The following ERBB4 variants were observed in gnomAD, a reference collection of about 807,000 sequenced individuals.
ERBB4 encodes erb-b2 receptor tyrosine kinase 4, also known as receptor tyrosine-protein kinase erbB-4.
A neutral mutation model predicts 158.0 loss-of-function variants in ERBB4; 42 were observed. The observed-to-expected ratio is 0.27, with a 90% confidence interval of 0.21 to 0.34. The LOEUF is 0.34. Among genes scored for constraint, ERBB4 ranks in the 10% least tolerant of loss-of-function variants. The pLI, the probability that ERBB4 is intolerant of heterozygous loss-of-function variation, is 1.00. For synonymous variants in ERBB4, 583 were observed against 558.7 expected, an observed-to-expected ratio of 1.04 and a Z score of -0.61; for missense variants, 1,333 against 1,624.1, an observed-to-expected ratio of 0.82 and a Z score of 3.08.
At chr2:211,734,144 G>C (rs2074524300) in intron 5 of ERBB4, among the ~76,000 whole-genome samples, 1 of 151,820 alleles carries the variant, frequency 6.6e-6, no homozygotes, top group Admixed American at 6.6e-5. Flanking sequence ...CATCATATTA[G>C]GTAAACAATG....
At chr2:211,990,412 A>G (rs2082041946) in intron 2 of ERBB4, among the ~76,000 whole-genome samples, 1 of 151,982 alleles carries the variant, frequency 6.6e-6, no homozygotes, top group South Asian at 2.1e-4. Flanking sequence ...TAACATTCAG[A>G]TTATTTGAAA....
chr2:212,360,384 G>C (rs2089640934), intron 1 of ERBB4, among the ~76,000 whole-genome samples: 1 of 151,538 alleles, frequency 6.6e-6, no homozygotes, highest in Non-Finnish European at 1.5e-5. Flanking sequence ...TCTTCTGATT[G>C]GATGTCTATT....
intron 20 of ERBB4, among the ~76,000 whole-genome samples, chr2:211,514,736 C>A (rs761178338): frequency 5.9e-5 from 9 of 152,140 alleles, no homozygotes; most frequent in Non-Finnish European, 1.3e-4. Context: ...TGGGGGCAGA[C>A]ATGTTTCAGA....
At chr2:212,477,632 A>G (rs1161100286) in intron 1 of ERBB4, among the ~76,000 whole-genome samples, 1 of 152,176 alleles carries the variant, frequency 6.6e-6, no homozygotes, top group Non-Finnish European at 1.5e-5. Flanking sequence ...TCCCTTCTTG[A>G]ATATTTCCAC....
intron 1 of ERBB4, among the ~76,000 whole-genome samples, chr2:212,362,116 C>G (rs2089710934): frequency 6.6e-6 from 1 of 151,344 alleles, no homozygotes. Flanking sequence ...TAGTTTTAAT[C>G]TATAAAGATT....
In ERBB4 at chr2:212,169,199, C is replaced by T. The variant is rs184256869; in HGVS notation, c.83-44296G>A. Reference sequence around the variant, plus strand: ...TTCTATAGAAATGTTGGTATGAGTACGTAAAGAAATATGTACAAAAATATT... The same window carrying T: ...TTCTATAGAAATGTTGGTATGAGTATGTAAAGAAATATGTACAAAAATATT... On this transcript the variant is annotated intron_variant, in intron 1 of 27. Coordinates refer to ENST00000342788, the MANE Select transcript of ERBB4 (RefSeq NM_005235.3). 6.1e-4 allele frequency among the ~76,000 whole-genome samples: 92 copies of T among 151,798 alleles called. No homozygotes were observed. In the Middle Eastern group the frequency reaches 0.031, roughly 51 times the overall value.
chr2:211,695,179 C>T (rs998334593), intron 12 of ERBB4, among the ~76,000 whole-genome samples: 4 of 152,140 alleles, frequency 2.6e-5, no homozygotes, highest in Non-Finnish European at 5.9e-5. Context: ...CCATTCCCTA[C>T]TTATTAACTC....
At chr2:212,152,049 T>C (rs912773259) in intron 1 of ERBB4, among the ~76,000 whole-genome samples, 1 of 152,134 alleles carries the variant, frequency 6.6e-6, no homozygotes, top group African/African-American at 2.4e-5. Flanking sequence ...GTAGCATAAG[T>C]TTTACTTCAT....
Position 211,413,311 on chromosome 2 carries a change from C to CAAAA in ERBB4, c.3135+7129_3135+7130insTTTT. The stretch of plus-strand genomic sequence containing the variant: ...ACAGAGAGAGACCCTGTCTTAAAAA[C>CAAAA]ACACACACACACACACACACACACA... On this transcript the variant is annotated intron_variant, in intron 25 of 27. Coordinates refer to ENST00000342788, the MANE Select transcript of ERBB4 (RefSeq NM_005235.3). Among the ~76,000 whole-genome samples the CAAAA allele has an allele frequency of 4.7e-5, 3 of 63,732 alleles. No individual in the cohort carries two copies. The East Asian group carries it at 9.2e-4, about 20-fold the overall frequency. 41.8% of individuals were successfully genotyped at this position (63,732 alleles called of 152,430 possible).
At chr2:212,378,407 T>A (rs2090397869) in intron 1 of ERBB4, among the ~76,000 whole-genome samples, 1 of 151,892 alleles carries the variant, frequency 6.6e-6, no homozygotes, top group South Asian at 2.1e-4. Context: ...ATGGAGGTAC[T>A]CACACTATCA....
chr2:211,810,184 G>A (rs1479186849), intron 3 of ERBB4, among the ~76,000 whole-genome samples: 1 of 152,192 alleles, frequency 6.6e-6, no homozygotes, highest in Non-Finnish European at 1.5e-5. Context: ...GGGGAAGCGA[G>A]TTCTGTAGAT....
chr2:211,770,200 A>G (rs1265261311), intron 4 of ERBB4, among the ~76,000 whole-genome samples: 1 of 152,216 alleles, frequency 6.6e-6, no homozygotes, highest in Non-Finnish European at 1.5e-5. Flanking sequence ...ACTGTGAATC[A>G]CTTCACATTA....
intron 2 of ERBB4, among the ~76,000 whole-genome samples, chr2:212,067,754 AT>A (rs1311137647): frequency 3.3e-5 from 5 of 151,898 alleles, no homozygotes; most frequent in Admixed American, 6.6e-5. Context: ...CCTCCTCTTA[AT>A]TTTCTCTTTA....
At chr2:211,584,088 T>C (rs2068189354) in intron 19 of ERBB4, among the ~76,000 whole-genome samples, 1 of 149,656 alleles carries the variant, frequency 6.7e-6, no homozygotes, top group South Asian at 2.2e-4. Context: ...ATGTCCATTG[T>C]GCATGTCTGA....
chr2:211,427,249 CT>C (rs879648812), intron 22 of ERBB4, among the ~76,000 whole-genome samples: 2 of 151,600 alleles, frequency 1.3e-5, no homozygotes, highest in Admixed American at 1.3e-4. Context: ...AAAGGTAAAA[CT>C]TTTTTTTAAG....
intron 1 of ERBB4, among the ~76,000 whole-genome samples, chr2:212,129,320 A>ATATAG (rs2080036414): frequency 5.9e-5 from 9 of 151,650 alleles, no homozygotes; most frequent in African/African-American, 1.7e-4. Flanking sequence ...ATAGAAGCTT[A>ATATAG]AACAACCTTT....
At chr2:212,487,331 T>A (rs1022280082) in intron 1 of ERBB4, among the ~76,000 whole-genome samples, 1 of 152,054 alleles carries the variant, frequency 6.6e-6, no homozygotes, top group African/African-American at 2.4e-5. Flanking sequence ...AAGTTTAGAA[T>A]AAATAAAAAA....
At position 211,375,743 on chromosome 2, in the gene ERBB4, T is replaced by A; in HGVS notation, c.*7872A>T. On this transcript the variant is annotated 3_prime_UTR_variant, in exon 28 of 28. Transcript: ENST00000342788. The stretch of plus-strand genomic sequence containing the variant: ...ACGTTTGTTTCATATTTTATTGAAT[T>A]TCATTTATATTAAATTAAAAATATA... 1 of 229,332 alleles carries A rather than the reference T, an allele frequency of 4.4e-6. No individual in the cohort carries two copies. Among genetic ancestry groups the A allele is most frequent in the Non-Finnish European group, 8.7e-6 (1 of 115,266 alleles). 14.2% of individuals were successfully genotyped at this position (229,332 alleles called of 1,614,324 possible).
At chr2:211,663,682 T>A (rs936713089) in intron 15 of ERBB4, among the ~76,000 whole-genome samples, 64 of 152,308 alleles carry the variant, frequency 4.2e-4, no homozygotes, top group African/African-American at 1.5e-3. Flanking sequence ...GATCTCACTT[T>A]CATTTCTCTA....
Sources: allele counts gnomAD v4.1 joint callset (sites outside exome capture counted in the v4.1 genomes callset), GRCh38; gene constraint gnomAD v4.1.1; transcripts MANE v1.5; gene names NCBI Gene and HGNC (gene_info 2026-07-23, HGNC 2026-07-21).